HIVEP3: variants seen among roughly 807,000 people sequenced by gnomAD.
The protein encoded by HIVEP3 is HIVEP zinc finger 3.
In HIVEP3, 49 loss-of-function variants were observed where a neutral mutation model predicts 152.8. The observed-to-expected ratio is 0.32, with a 90% CI of 0.26 to 0.41. The LOEUF (loss-of-function observed/expected upper bound fraction) is 0.41. Ranked by LOEUF, HIVEP3 falls within the 10% of genes least tolerant of loss-of-function variation. The pLI is 1.00. For synonymous variants in HIVEP3, 1,269 were observed against 1,289.0 expected (o/e 0.98, Z 0.33); for missense variants, 2,790 against 3,103.3 (o/e 0.90, Z 2.40).
chr1:41,852,362 C>T (rs1461232632), intron 1 of HIVEP3, among the ~76,000 whole-genome samples: 1 of 152,250 alleles, frequency 6.6e-6, no homozygotes, highest in East Asian at 1.9e-4. Flanking sequence ...CACAGGGACA[C>T]CGTCATCGGC....
At chr1:41,644,053 A>T (rs543422729) in intron 2 of HIVEP3, among the ~76,000 whole-genome samples, 1 of 151,656 alleles carries the variant, frequency 6.6e-6, no homozygotes, top group Non-Finnish European at 1.5e-5. Context: ...CACCCAGCTA[A>T]TTTTTTTATT....
intron 1 of HIVEP3, among the ~76,000 whole-genome samples, chr1:41,986,525 C>T (rs1645324118): frequency 6.6e-6 from 1 of 151,466 alleles, no homozygotes; most frequent in Non-Finnish European, 1.5e-5. Context: ...ACTGCAAGCT[C>T]CGCTTCCCGA....
chr1:41,543,837 C>A (rs1643593439), intron 5 of HIVEP3: 1 of 152,232 alleles, frequency 6.6e-6, no homozygotes, highest in African/African-American at 2.4e-5. Flanking sequence ...TGCTTCTTCG[C>A]CGTGTTGAAA....
intron 3 of HIVEP3, among the ~76,000 whole-genome samples, chr1:41,585,951 T>A (rs182687159): frequency 1.3e-5 from 2 of 152,228 alleles, no homozygotes; most frequent in African/African-American, 4.8e-5. Context: ...TTCACTGCTT[T>A]TTACCCCATT....
chr1:41,910,944 G>A (rs1288278393), intron 1 of HIVEP3, among the ~76,000 whole-genome samples: 1 of 151,888 alleles, frequency 6.6e-6, no homozygotes, highest in African/African-American at 2.4e-5. Flanking sequence ...GACCATACAA[G>A]AACTGTCCTT....
intron 5 of HIVEP3, chr1:41,541,947 A>G (rs186167446): frequency 6.6e-6 from 1 of 152,368 alleles, no homozygotes; most frequent in Admixed American, 6.5e-5. Flanking sequence ...AAATAATAGC[A>G]TATGCTCCAA....
intron 2 of HIVEP3, among the ~76,000 whole-genome samples, chr1:41,659,550 G>T (rs2124041040): frequency 2.0e-5 from 3 of 152,282 alleles, no homozygotes; most frequent in Middle Eastern, 3.4e-3. Flanking sequence ...CCTGGGTCAT[G>T]GCCATCCTAG....
In HIVEP3 at chr1:41,737,968, G is replaced by A. The variant is rs546685731; in HGVS notation, c.-800-36973C>T. Among the ~76,000 whole-genome samples, 27 of 152,320 alleles carry A rather than the reference G, an allele frequency of 1.8e-4. No homozygotes were observed. In the South Asian group the frequency reaches 5.6e-3, roughly 32 times the overall value. Reference sequence around the variant, plus strand: ...CTTTGCTGTACCTGTTCTGTTCTGTGTCACTGAAATTCTGAAGAAGGATAT... The same window carrying A: ...CTTTGCTGTACCTGTTCTGTTCTGTATCACTGAAATTCTGAAGAAGGATAT... On this transcript the variant is annotated intron_variant, in intron 1 of 8. Coordinates refer to ENST00000372583, the MANE Select transcript of HIVEP3 (RefSeq NM_024503.5).
chr1:41,569,862 C>G (rs1389759453), intron 5 of HIVEP3, among the ~76,000 whole-genome samples: 1 of 152,162 alleles, frequency 6.6e-6, no homozygotes, highest in Non-Finnish European at 1.5e-5. Flanking sequence ...GAAAAGTACA[C>G]TCGTTAAAAA....
At chr1:41,839,085 T>C (rs999685972) in intron 1 of HIVEP3, among the ~76,000 whole-genome samples, 1 of 152,156 alleles carries the variant, frequency 6.6e-6, no homozygotes, top group Non-Finnish European at 1.5e-5. Flanking sequence ...TGTGACCTTG[T>C]CAAGTTTCTC....
intron 1 of HIVEP3, among the ~76,000 whole-genome samples, chr1:41,908,200 G>A (rs914834719): frequency 4.6e-5 from 7 of 152,100 alleles, no homozygotes; most frequent in African/African-American, 1.7e-4. Flanking sequence ...AAGCTGTATC[G>A]GGAGAAATAA....
At chr1:41,751,921 G>C (rs1220567424) in intron 1 of HIVEP3, among the ~76,000 whole-genome samples, 1 of 152,166 alleles carries the variant, frequency 6.6e-6, no homozygotes, top group Non-Finnish European at 1.5e-5. Flanking sequence ...AGGGTCCAAA[G>C]CCTGTGGTGG....
Position 41,686,041 on chromosome 1 carries a change from TTTTG to T in HIVEP3, c.-721+14871_-721+14874del, listed in dbSNP as rs532673755. On this transcript the variant is annotated intron_variant, in intron 2 of 8. Coordinates refer to ENST00000372583, the MANE Select transcript of HIVEP3 (RefSeq NM_024503.5). ...ACTTTTGGGTTCTAGACTGTGGTTT[TTTTG>T]TTTGTTTGTTTGTTTGTTTTGTTTT... Among the ~76,000 whole-genome samples, 370 of 152,038 alleles carry T rather than the reference TTTTG, an allele frequency of 2.4e-3. 1 individual carries two copies. The highest frequency in any genetic ancestry group is 4.1e-3 in the Admixed American group (62 of 15,274).
intron 1 of HIVEP3, among the ~76,000 whole-genome samples, chr1:42,021,168 G>A (rs916121025): frequency 6.6e-6 from 1 of 152,094 alleles, no homozygotes; most frequent in Admixed American, 6.5e-5. Context: ...GACCATAAGG[G>A]GGAAAAAAGG....
At chr1:41,805,449 T>A (rs1650545965) in intron 1 of HIVEP3, among the ~76,000 whole-genome samples, 1 of 152,256 alleles carries the variant, frequency 6.6e-6, no homozygotes, top group African/African-American at 2.4e-5. Flanking sequence ...TATCTACACG[T>A]GCCCTTCCAT....
At chr1:41,719,822 C>G (rs1290793247) in intron 1 of HIVEP3, among the ~76,000 whole-genome samples, 1 of 152,210 alleles carries the variant, frequency 6.6e-6, no homozygotes, top group African/African-American at 2.4e-5. Context: ...CAGGGAACCA[C>G]TAAGCCTTGG....
chr1:41,880,565 G>A (rs566330979), intron 1 of HIVEP3, among the ~76,000 whole-genome samples: 1 of 152,326 alleles, frequency 6.6e-6, no homozygotes, highest in South Asian at 2.1e-4. Flanking sequence ...CAGGAAGAGT[G>A]GATTGGCTTG....
At chr1:41,573,246 T>A (rs986623953) in intron 5 of HIVEP3, among the ~76,000 whole-genome samples, 3 of 152,016 alleles carry the variant, frequency 2.0e-5, no homozygotes, top group African/African-American at 7.3e-5. Context: ...TCTTGGCAAT[T>A]TGGGGGAACA....
chr1:41,940,271 ATTAAG>A (rs1186752040), intron 1 of HIVEP3, among the ~76,000 whole-genome samples: 2 of 152,208 alleles, frequency 1.3e-5, no homozygotes, highest in East Asian at 3.8e-4. Context: ...TGAGTGAGTC[ATTAAG>A]TTATTTGTCA....
Sources: allele counts gnomAD v4.1 joint callset (sites outside exome capture counted in the v4.1 genomes callset), GRCh38; gene constraint gnomAD v4.1.1; transcripts MANE v1.5; gene names NCBI Gene and HGNC (gene_info 2026-07-23, HGNC 2026-07-21).